MSH3: variants seen among roughly 807,000 people sequenced by gnomAD.
MSH3 encodes the protein DNA mismatch repair protein Msh3.
Under a neutral mutation model 123.3 loss-of-function variants are expected in MSH3, and 106 were observed. That is an observed-to-expected ratio of 0.86 (90% confidence interval 0.73 to 1.01). The LOEUF is 1.01. Ranked by LOEUF, MSH3 falls within the 50% of genes least tolerant of loss-of-function variation. The pLI, the probability that MSH3 is intolerant of heterozygous loss-of-function variation, is 0.00. For synonymous variants in MSH3, 515 were observed against 481.4 expected, an observed-to-expected ratio of 1.07 and a Z score of -0.91; for missense variants, 1,459 against 1,347.6, an observed-to-expected ratio of 1.08 and a Z score of -1.29.
At chr5:80,824,905 T>G (rs1007753616) in intron 20 of MSH3, among the ~76,000 whole-genome samples, 2 of 152,188 alleles carry the variant, frequency 1.3e-5, no homozygotes, top group Non-Finnish European at 2.9e-5. Context: ...GAGCTCCGTC[T>G]GGGACAGACT....
chr5:80,727,221 C>G (rs534390435), intron 9 of MSH3, among the ~76,000 whole-genome samples: 1 of 152,316 alleles, frequency 6.6e-6, no homozygotes, highest in South Asian at 2.1e-4. Context: ...AGTGCTACTT[C>G]TAACACATTG....
intron 12 of MSH3, among the ~76,000 whole-genome samples, chr5:80,758,783 ACT>A (rs1554071860): frequency 2.6e-5 from 4 of 152,158 alleles, no homozygotes; most frequent in African/African-American, 9.7e-5. Flanking sequence ...TTTTTATTAA[ACT>A]TTTTTGCTCG....
chr5:80,697,673 G>C (rs943257500), intron 8 of MSH3, among the ~76,000 whole-genome samples: 1 of 152,070 alleles, frequency 6.6e-6, no homozygotes, highest in African/African-American at 2.4e-5. Context: ...GATTGTGTAA[G>C]CTAAATCTAG....
At chr5:80,838,250 C>T (rs1745553018) in intron 20 of MSH3, among the ~76,000 whole-genome samples, 1 of 152,198 alleles carries the variant, frequency 6.6e-6, no homozygotes, top group South Asian at 2.1e-4. Flanking sequence ...ACCACAGGTA[C>T]TTTTCAGCCT....
intron 20 of MSH3, among the ~76,000 whole-genome samples, chr5:80,845,370 T>C (rs1006382288): frequency 6.6e-6 from 1 of 152,148 alleles, no homozygotes; most frequent in Non-Finnish European, 1.5e-5. Context: ...AATCTGACAA[T>C]TATGTGTCTT....
Position 80,714,378 on chromosome 5 carries a change from C to T in MSH3, c.1341-11075C>T, listed in dbSNP as rs544064686. 5.2e-4 allele frequency among the ~76,000 whole-genome samples: 79 copies of T among 151,964 alleles called. 1 individual carries two copies. The highest frequency in any genetic ancestry group is 1.5e-4 in the Non-Finnish European group (10 of 67,960). ...CTGGAACTCCTGACCTCAGGTGATCCGCCCTCCTGAGCCTCCCAAAGTGCT... is the reference window on the plus strand; with the variant it reads ...CTGGAACTCCTGACCTCAGGTGATCTGCCCTCCTGAGCCTCCCAAAGTGCT... On this transcript the variant is annotated intron_variant, in intron 8 of 23. Transcript: ENST00000265081.
chr5:80,792,373 TG>T (rs1293082525), intron 18 of MSH3, among the ~76,000 whole-genome samples: 3 of 150,302 alleles, frequency 2.0e-5, no homozygotes, highest in African/African-American at 7.4e-5. Context: ...GAATAGTCAC[TG>T]CACTGCAGCC....
At chr5:80,803,223 C>T (rs773098271) in intron 19 of MSH3, among the ~76,000 whole-genome samples, 7 of 152,102 alleles carry the variant, frequency 4.6e-5, no homozygotes, top group Non-Finnish European at 1.0e-4. Context: ...ACCTTTTCTC[C>T]ACATCCTCAC....
chr5:80,875,872 T>G lies in MSH3; in HGVS notation c.*10T>G. On this transcript the variant is annotated 3_prime_UTR_variant, in exon 24 of 24. Transcript: ENST00000265081. ...TTCTCTTCTTCATTAAAATGAAGAC[T>G]ACATTTGTGAACAAAAAATGGAGAA... 6.7e-7 allele frequency: 1 copy of G among 1,488,746 alleles called. No homozygotes were observed. Among genetic ancestry groups the G allele is most frequent in the Non-Finnish European group, 9.4e-7 (1 of 1,065,972 alleles). The allele number at this position is 1,488,746 out of a possible 1,614,324, so 92.2% of individuals were successfully genotyped here.
chr5:80,729,529 A>G (rs1211066526), intron 10 of MSH3, among the ~76,000 whole-genome samples: 1 of 150,850 alleles, frequency 6.6e-6, no homozygotes, highest in African/African-American at 2.4e-5. Context: ...TTGATATATT[A>G]TAGTTTTGAC....
At chr5:80,737,835 A>C (rs1163305114) in intron 10 of MSH3, among the ~76,000 whole-genome samples, 1 of 152,204 alleles carries the variant, frequency 6.6e-6, no homozygotes, top group African/African-American at 2.4e-5. Flanking sequence ...TAGTTGCTTG[A>C]TAATTATTCT....
At chr5:80,832,463 T>C (rs1266860299) in intron 20 of MSH3, among the ~76,000 whole-genome samples, 1 of 151,898 alleles carries the variant, frequency 6.6e-6, no homozygotes, top group Non-Finnish European at 1.5e-5. Flanking sequence ...CTAGTAAAAA[T>C]ACAAAACTTA....
chr5:80,874,005 C>T (rs6151932), intron 23 of MSH3, among the ~76,000 whole-genome samples: 133 of 152,218 alleles, frequency 8.7e-4, no homozygotes, highest in Middle Eastern at 3.4e-3. Context: ...CCACCCCTGC[C>T]GTACTTGGGG....
At chr5:80,779,079 C>T (rs1744363002) in intron 17 of MSH3, among the ~76,000 whole-genome samples, 1 of 151,544 alleles carries the variant, frequency 6.6e-6, no homozygotes, top group South Asian at 2.1e-4. Flanking sequence ...GCATCCTCCA[C>T]CTCTCAGGTT....
intron 15 of MSH3, among the ~76,000 whole-genome samples, chr5:80,772,707 A>C (rs1345563627): frequency 6.6e-6 from 1 of 152,216 alleles, no homozygotes; most frequent in Non-Finnish European, 1.5e-5. Flanking sequence ...TCTTAAACCA[A>C]AGGCCTACCT....
At chr5:80,851,544 T>G (rs1381515827) in intron 20 of MSH3, among the ~76,000 whole-genome samples, 1 of 152,202 alleles carries the variant, frequency 6.6e-6, no homozygotes, top group African/African-American at 2.4e-5. Flanking sequence ...TTGGGAATGT[T>G]AAGTGCTCAT....
chr5:80,785,685 T>C (rs1292681466), intron 17 of MSH3, among the ~76,000 whole-genome samples: 2 of 152,126 alleles, frequency 1.3e-5, no homozygotes, highest in Non-Finnish European at 2.9e-5. Flanking sequence ...TAAAGACACA[T>C]GCACACGTAT....
intron 21 of MSH3, among the ~76,000 whole-genome samples, chr5:80,861,742 T>G (rs1299804363): frequency 6.6e-6 from 1 of 152,150 alleles, no homozygotes; most frequent in Non-Finnish European, 1.5e-5. Context: ...CAGCAATTGA[T>G]CAGTTCCAGT....
chr5:80,732,314 A>G (rs1743426314), intron 10 of MSH3, among the ~76,000 whole-genome samples: 1 of 152,190 alleles, frequency 6.6e-6, no homozygotes, highest in Non-Finnish European at 1.5e-5. Context: ...TCAAAAAGAT[A>G]TTGGAAATTT....
Sources: gnomAD v4.1 joint callset for allele counts (sites outside exome capture counted in the v4.1 genomes callset) on GRCh38, gnomAD v4.1.1 for gene constraint, MANE v1.5 for transcripts, NCBI Gene and HGNC (gene_info 2026-07-23, HGNC 2026-07-21) for gene names.